Variants in UNC13C observed in about 807,000 individuals in gnomAD.
UNC13C encodes the protein unc-13 homolog C, also known as protein unc-13 homolog C.
UNC13C carries 174 observed loss-of-function variants against 245.4 expected under a neutral mutation model. The observed-to-expected ratio is 0.71, with a 90% CI of 0.63 to 0.80. UNC13C has a LOEUF of 0.80. Ranked by LOEUF, UNC13C falls within the 30% of genes least tolerant of loss-of-function variation. The pLI is 0.00. For missense variants in UNC13C, 2,829 were observed against 2,602.9 expected (o/e 1.09, Z -1.89); for synonymous variants, 992 against 895.1 (o/e 1.11, Z -1.93).
At chr15:53,978,367 C>G (rs1893782839), upstream of UNC13C, among the ~76,000 whole-genome samples, 2 of 151,502 alleles carry the variant, frequency 1.3e-5, no homozygotes, top group Admixed American at 1.3e-4. Flanking sequence ...CTACGCCGTG[C>G]TACGGCGGCA....
Position 54,610,232 on chromosome 15 carries a change from G to A in UNC13C, c.6107-12095G>A, listed in dbSNP as rs76992217. Among the ~76,000 whole-genome samples the A allele has an allele frequency of 8.2e-3, 1,239 of 152,002 alleles. 9 individuals carry two copies. The highest frequency in any genetic ancestry group is 0.031 in the Middle Eastern group (9 of 294). On this transcript the variant is annotated intron_variant, in intron 30 of 32. Transcript: ENST00000260323. The stretch of plus-strand genomic sequence containing the variant: ...CTAGTTTACTACTTATAGACATATC[G>A]GTTGTCTTTAGCTTTTTTTTTGAGA...
chr15:54,253,498 A>T (rs2036204933), intron 8 of UNC13C, among the ~76,000 whole-genome samples: 1 of 152,046 alleles, frequency 6.6e-6, no homozygotes, highest in Non-Finnish European at 1.5e-5. Flanking sequence ...CCTGATTTAT[A>T]CTCCTTCAAT....
intron 2 of UNC13C, among the ~76,000 whole-genome samples, chr15:54,133,750 A>G (rs7182892): frequency 0.37 from 55,798 of 151,964 alleles, 10,321 homozygotes; most frequent in Admixed American, 0.39. Context: ...GACTGTGTGT[A>G]TATGTGTGTG....
At chr15:54,052,205 A>T (rs1318738829) in intron 2 of UNC13C, among the ~76,000 whole-genome samples, 5 of 105,536 alleles carry the variant, frequency 4.7e-5, no homozygotes, top group Non-Finnish European at 9.6e-5. Flanking sequence ...TATTGTGAAT[A>T]ATGCCGCAAT....
Position 54,014,728 on chromosome 15 carries a change from G to A in UNC13C, c.1825G>A (p.Gly609Ser), listed in dbSNP as rs12437941. Residue 609 changes from glycine to serine, a missense_variant, in exon 2 of 33, where the codon GGT becomes AGT. By Grantham distance (56) the Gly-to-Ser change is moderately conservative. Transcript: ENST00000260323. Reference sequence around the variant, plus strand: ...TCCCAAGGACCAGCATTTGAATGGAGGTGTTCAGGGTATCCAAGGGCAGAC... The same window carrying A: ...TCCCAAGGACCAGCATTTGAATGGAAGTGTTCAGGGTATCCAAGGGCAGAC... ...DSPKDQHLNG[G>S]VQGIQGQTET... The A allele has an allele frequency of 1, 1,609,069 of 1,613,862 alleles. 802,260 individuals carry two copies. The highest frequency in any genetic ancestry group is 1 in the East Asian group (44,860 of 44,860).
intron 2 of UNC13C, among the ~76,000 whole-genome samples, chr15:54,112,554 CTGTCATGTTGAATA>C (rs1340741752): frequency 1.3e-5 from 2 of 152,192 alleles, no homozygotes; most frequent in African/African-American, 4.8e-5. Context: ...AAAGATGGAA[CTGTCATGTTGAATA>C]TGTCTAGCCC....
Position 54,500,171 on chromosome 15 carries a change from A to C in UNC13C, c.5153A>C (p.Asp1718Ala). 1 of 1,607,676 alleles carries C rather than the reference A, an allele frequency of 6.2e-7. No homozygotes were observed. Among genetic ancestry groups the C allele is most frequent in the East Asian group, 2.2e-5 (1 of 44,720 alleles). ...LHGALGRDKK[D>A]GFQQTSEHAL... Reference sequence around the variant, plus strand: ...GGAGCACTGGGAAGAGACAAAAAAGATGGAGTGAGTTTAAATTACCTTAAG... The same window carrying C: ...GGAGCACTGGGAAGAGACAAAAAAGCTGGAGTGAGTTTAAATTACCTTAAG... Residue 1718 changes from aspartate to alanine, a missense_variant, in exon 21 of 33, where the codon GAT becomes GCT. Physicochemically the swap from Asp to Ala is moderately radical, Grantham distance 126 (BLOSUM62 -2). Transcript: ENST00000260323.
chr15:54,013,338 A>G lies in UNC13C; in HGVS notation c.435A>G (p.Thr145=), dbSNP rs1430267659. ...GCACAGAAAACCAGGCACAATCAAC[A>G]CACACAATGCCAGTTAGACGCAACA... ...RSSTENQAQS[T]HTMPVRRNRK... Residue 145 remains threonine, a synonymous_variant, in exon 2 of 33, where the codon ACA becomes ACG. Transcript: ENST00000260323. 1.9e-6 allele frequency: 3 copies of G among 1,613,908 alleles called. No individual in the cohort carries two copies. The highest frequency in any genetic ancestry group is 1.7e-5 in the Admixed American group (1 of 59,962).
At chr15:53,848,277 TAGA>T in the UNC13C span, among the ~76,000 whole-genome samples, 1 of 152,174 alleles carries the variant, frequency 6.6e-6, no homozygotes, top group Non-Finnish European at 1.5e-5. Flanking sequence ...GGTCTTTTAG[TAGA>T]AGATTAGATT....
intron 28 of UNC13C, among the ~76,000 whole-genome samples, chr15:54,550,990 G>A (rs1204615160): frequency 6.6e-6 from 1 of 152,194 alleles, no homozygotes; most frequent in Non-Finnish European, 1.5e-5. Context: ...AGTTTCCTGA[G>A]TTGAGTGTTC....
chr15:53,877,236 C>G, the UNC13C span, among the ~76,000 whole-genome samples: 1 of 152,182 alleles, frequency 6.6e-6, no homozygotes, highest in African/African-American at 2.4e-5. Context: ...AAAAGCACAT[C>G]AGTGTTCCAC....
At chr15:54,249,374 G>A (rs896588845) in intron 7 of UNC13C, among the ~76,000 whole-genome samples, 4 of 152,124 alleles carry the variant, frequency 2.6e-5, no homozygotes, top group Admixed American at 6.5e-5. Flanking sequence ...GGAGGAGGGT[G>A]AGTCTTAGAG....
At chr15:54,401,552 T>C (rs2040184648) in intron 18 of UNC13C, among the ~76,000 whole-genome samples, 1 of 152,190 alleles carries the variant, frequency 6.6e-6, no homozygotes, top group African/African-American at 2.4e-5. Flanking sequence ...AATTTGAAGA[T>C]ACCTGTAGCA....
At chr15:53,985,635 T>A (rs1451207682) in intron 1 of UNC13C, among the ~76,000 whole-genome samples, 1 of 152,008 alleles carries the variant, frequency 6.6e-6, no homozygotes, top group Non-Finnish European at 1.5e-5. Flanking sequence ...ATGTAGCTCA[T>A]GAACACAACC....
chr15:54,257,869 G>A (rs905608562), intron 8 of UNC13C, among the ~76,000 whole-genome samples: 4 of 152,112 alleles, frequency 2.6e-5, no homozygotes, highest in African/African-American at 7.2e-5. Flanking sequence ...GTATTATCTT[G>A]GATATAAAAC....
At chr15:54,438,328 C>T (rs1450672322) in intron 19 of UNC13C, among the ~76,000 whole-genome samples, 1 of 151,964 alleles carries the variant, frequency 6.6e-6, no homozygotes, top group African/African-American at 2.4e-5. Context: ...AGACGCCCAA[C>T]TGTTTGCTCT....
intron 2 of UNC13C, among the ~76,000 whole-genome samples, chr15:54,086,927 G>A (rs560733258): frequency 6.6e-6 from 1 of 151,492 alleles, no homozygotes; most frequent in East Asian, 2.0e-4. Flanking sequence ...GTAGAGACGG[G>A]GTTTCACCAT....
intron 7 of UNC13C, among the ~76,000 whole-genome samples, chr15:54,241,689 G>T (rs12912762): frequency 6.6e-6 from 1 of 152,040 alleles, no homozygotes; most frequent in Non-Finnish European, 1.5e-5. Flanking sequence ...AAAGCTCTTT[G>T]TTTAGTCAAA....
intron 19 of UNC13C, 48 bp downstream of exon 19, chr15:54,415,115 G>A (rs2040492825): frequency 1.5e-6 from 2 of 1,352,330 alleles, no homozygotes; most frequent in South Asian, 1.3e-5. Context: ...AGAGTTAAAT[G>A]GTGATATTGT....
Sources: gnomAD v4.1 joint callset for allele counts (sites outside exome capture counted in the v4.1 genomes callset) on GRCh38, gnomAD v4.1.1 for gene constraint, MANE v1.5 for transcripts, NCBI Gene and HGNC (gene_info 2026-07-23, HGNC 2026-07-21) for gene names.